SLC4A10: variants seen among roughly 807,000 people sequenced by gnomAD.
The protein encoded by SLC4A10 is solute carrier family 4 member 10.
In SLC4A10, 42 loss-of-function variants were observed where a neutral mutation model predicts 137.7. The observed-to-expected ratio is 0.30, with a 90% CI of 0.24 to 0.39. The LOEUF (loss-of-function observed/expected upper bound fraction) is 0.39. Ranked by LOEUF, SLC4A10 falls within the 10% of genes least tolerant of loss-of-function variation. SLC4A10 has a pLI of 1.00. For synonymous variants in SLC4A10, 474 were observed against 464.1 expected (o/e 1.02, Z -0.27); for missense variants, 925 against 1,355.0 (o/e 0.68, Z 4.98).
intron 19 of SLC4A10, among the ~76,000 whole-genome samples, chr2:161,953,729 G>T (rs976795120): frequency 1.3e-5 from 2 of 152,114 alleles, no homozygotes; most frequent in Admixed American, 6.5e-5. Context: ...AGTAAACCTC[G>T]AACTCATTGC....
At chr2:161,811,001 T>G (rs955382593) in intron 3 of SLC4A10, among the ~76,000 whole-genome samples, 3 of 151,986 alleles carry the variant, frequency 2.0e-5, no homozygotes, top group Non-Finnish European at 4.4e-5. Context: ...GTTCAGGGCT[T>G]TTTTTGGTTG....
At chr2:161,776,324 G>A (rs1574910418) in intron 2 of SLC4A10, among the ~76,000 whole-genome samples, 3 of 151,780 alleles carry the variant, frequency 2.0e-5, no homozygotes, top group East Asian at 3.9e-4. Flanking sequence ...TTTTCATCTT[G>A]CAAAATTGAA....
intron 1 of SLC4A10, among the ~76,000 whole-genome samples, chr2:161,657,235 T>C (rs1334336785): frequency 1.3e-5 from 2 of 152,042 alleles, no homozygotes. Flanking sequence ...TTTCAGTTTA[T>C]CTATCTGAAA....
At chr2:161,930,417 C>T (rs1039005702) in intron 15 of SLC4A10, among the ~76,000 whole-genome samples, 3 of 152,070 alleles carry the variant, frequency 2.0e-5, no homozygotes, top group African/African-American at 7.2e-5. Flanking sequence ...TTGTATTGAA[C>T]ATCCATGAAA....
At chr2:161,700,481 C>T (rs377154818) in intron 1 of SLC4A10, among the ~76,000 whole-genome samples, 13 of 152,086 alleles carry the variant, frequency 8.5e-5, no homozygotes, top group Non-Finnish European at 1.6e-4. Context: ...TTATCTCCTA[C>T]ATTTAGCTTA....
At chr2:161,886,545 A>T (rs1022219635) in intron 10 of SLC4A10, among the ~76,000 whole-genome samples, 8 of 152,150 alleles carry the variant, frequency 5.3e-5, no homozygotes, top group Admixed American at 4.6e-4. Flanking sequence ...CAATAAAATT[A>T]TCACTTACTA....
chr2:161,935,285 C>A (rs1202098181), intron 15 of SLC4A10, among the ~76,000 whole-genome samples: 1 of 152,082 alleles, frequency 6.6e-6, no homozygotes, highest in East Asian at 1.9e-4. Context: ...TGTAATACAG[C>A]TTTGTGGTGT....
chr2:161,738,958 C>T (rs2047612835), intron 1 of SLC4A10, among the ~76,000 whole-genome samples: 1 of 152,128 alleles, frequency 6.6e-6, no homozygotes, highest in South Asian at 2.1e-4. Context: ...CCAATTTTGC[C>T]AGATGGGGTG....
At chr2:161,699,287 T>C (rs1041924780) in intron 1 of SLC4A10, among the ~76,000 whole-genome samples, 1 of 152,198 alleles carries the variant, frequency 6.6e-6, no homozygotes, top group African/African-American at 2.4e-5. Context: ...CCCAAAGTGC[T>C]GGGATTACAG....
intron 1 of SLC4A10, among the ~76,000 whole-genome samples, chr2:161,747,646 C>T (rs746999201): frequency 3.9e-5 from 6 of 152,074 alleles, no homozygotes; most frequent in Non-Finnish European, 8.8e-5. Context: ...CTCTGTCTCC[C>T]CCACCTTTTT....
intron 1 of SLC4A10, among the ~76,000 whole-genome samples, chr2:161,651,613 A>G (rs971167999): frequency 4.6e-5 from 7 of 152,278 alleles, no homozygotes; most frequent in Non-Finnish European, 8.8e-5. Context: ...TCTGGGCGCC[A>G]CCACATTCCC....
In SLC4A10 at chr2:161,894,844, A is replaced by T. The variant is rs762796889; in HGVS notation, c.1341+19A>T. 1.7e-5 allele frequency: 23 copies of T among 1,324,214 alleles called. No individual in the cohort carries two copies. In the African/African-American group the frequency reaches 3.3e-4, roughly 19 times the overall value. The allele number at this position is 1,324,214 out of a possible 1,614,324, so 82.0% of individuals were successfully genotyped here. On this transcript the variant is annotated intron_variant, in intron 11 of 26. Coordinates refer to ENST00000446997, the MANE Select transcript of SLC4A10 (RefSeq NM_001178015.2). ...TTCCCAGGTATGTATATTTGAAGAC[A>T]TTCTTTGAAATTGAATTTTTTTTTG...
chr2:161,710,807 AGGCT>A (rs2044205363), intron 1 of SLC4A10: 2 of 438,506 alleles, frequency 4.6e-6, no homozygotes, highest in Admixed American at 4.9e-5. Flanking sequence ...AACATAGTAA[AGGCT>A]GAGCATTGGA....
At chr2:161,818,230 C>A in intron 3 of SLC4A10, among the ~76,000 whole-genome samples, 1 of 152,072 alleles carries the variant, frequency 6.6e-6, no homozygotes, top group East Asian at 1.9e-4. Context: ...GTATTTTATT[C>A]TCTTTGAAGC....
intron 1 of SLC4A10, among the ~76,000 whole-genome samples, chr2:161,767,139 ATGTGTGTGTGTG>A (rs1245094195): frequency 1.4e-4 from 8 of 57,098 alleles, no homozygotes; most frequent in African/African-American, 4.4e-4. Flanking sequence ...ATATATATAT[ATGTGTGTGTGTG>A]TGTGTGTGTG....
In SLC4A10 at chr2:161,885,258, A is replaced by G. The variant is rs564739277; in HGVS notation, c.1194+2814A>G. Among the ~76,000 whole-genome samples, 10 of 149,788 alleles carry G rather than the reference A, an allele frequency of 6.7e-5. No individual in the cohort carries two copies. In the South Asian group the frequency reaches 2.1e-3, roughly 32 times the overall value. ...ATTGTACTCATTAAGAATAGAATTT[A>G]ATATGTTGATTCATAGTTTACTTTG... On this transcript the variant is annotated intron_variant, in intron 10 of 26. Transcript: ENST00000446997.
At chr2:161,932,151 C>T (rs572748522) in intron 15 of SLC4A10, among the ~76,000 whole-genome samples, 95 of 152,198 alleles carry the variant, frequency 6.2e-4, no homozygotes, top group Non-Finnish European at 1.2e-3. Context: ...GGAGAATCTT[C>T]TCATTAAGGG....
At chr2:161,826,169 T>C (rs1384336054) in intron 3 of SLC4A10, among the ~76,000 whole-genome samples, 4 of 152,212 alleles carry the variant, frequency 2.6e-5, no homozygotes, top group African/African-American at 9.7e-5. Context: ...GAAAATATTA[T>C]TGAGCTTCAA....
At chr2:161,723,609 T>A (rs543380358) in intron 1 of SLC4A10, among the ~76,000 whole-genome samples, 1 of 152,356 alleles carries the variant, frequency 6.6e-6, no homozygotes, top group African/African-American at 2.4e-5. Flanking sequence ...TGCAGCCTAC[T>A]GTTTGCAAAA....
Sources: allele counts gnomAD v4.1 joint callset (sites outside exome capture counted in the v4.1 genomes callset), GRCh38; gene constraint gnomAD v4.1.1; transcripts MANE v1.5; gene names NCBI Gene and HGNC (gene_info 2026-07-23, HGNC 2026-07-21).